Variants in RARB observed in about 807,000 individuals in gnomAD.
RARB encodes HBV-activated protein.
Under a neutral mutation model 51.9 loss-of-function variants are expected in RARB, and 17 were observed. That is an observed-to-expected ratio of 0.33 (90% confidence interval 0.22 to 0.49). The LOEUF is 0.49. Among genes scored for constraint, RARB ranks in the 20% least tolerant of loss-of-function variants. The pLI is 0.99. For synonymous variants in RARB, 215 were observed against 195.4 expected (o/e 1.10, Z -0.84); for missense variants, 369 against 550.8 (o/e 0.67, Z 3.30).
At chr3:25,456,760 A>G (rs931673753) in intron 1 of RARB, among the ~76,000 whole-genome samples, 3 of 150,174 alleles carry the variant, frequency 2.0e-5, no homozygotes, top group African/African-American at 4.9e-5. Flanking sequence ...AAATTTTTCC[A>G]AAGATGATTT....
chr3:24,973,343 A>C (rs747204020), intron 2 of RARB, among the ~76,000 whole-genome samples: 1 of 151,960 alleles, frequency 6.6e-6, no homozygotes, highest in Non-Finnish European at 1.5e-5. Context: ...CTTTTATCTC[A>C]ATACCATGCT....
chr3:25,120,527 ATCTCTC>A (rs138649959), intron 3 of RARB, among the ~76,000 whole-genome samples: 123 of 136,164 alleles, frequency 9.0e-4, no homozygotes, highest in East Asian at 1.7e-3. Flanking sequence ...ATATATAAAA[ATCTCTC>A]TCTCTCTCTC....
chr3:25,218,268 G>A (rs1055485673), intron 5 of RARB, among the ~76,000 whole-genome samples: 3 of 152,076 alleles, frequency 2.0e-5, no homozygotes, highest in African/African-American at 7.2e-5. Context: ...TTTCAGGAAT[G>A]TGAGAGTCGC....
intron 3 of RARB, among the ~76,000 whole-genome samples, chr3:25,504,788 T>G (rs768294709): frequency 0.067 from 8,730 of 130,076 alleles, 271 homozygotes; most frequent in African/African-American, 0.072. Flanking sequence ...TTTTTTTTTT[T>G]TTTGTGTCAC....
intron 5 of RARB, among the ~76,000 whole-genome samples, chr3:25,311,055 T>C (rs1704277524): frequency 6.6e-6 from 1 of 152,224 alleles, no homozygotes; most frequent in African/African-American, 2.4e-5. Flanking sequence ...TGATGCTGAA[T>C]TGTGGGTCAA....
At chr3:25,056,703 T>C (rs1233932239) in intron 2 of RARB, among the ~76,000 whole-genome samples, 1 of 152,168 alleles carries the variant, frequency 6.6e-6, no homozygotes, top group East Asian at 1.9e-4. Flanking sequence ...TACATACCTG[T>C]ATATATGATA....
At chr3:25,369,993 C>G (rs1706249693) in intron 5 of RARB, among the ~76,000 whole-genome samples, 3 of 152,112 alleles carry the variant, frequency 2.0e-5, no homozygotes, top group South Asian at 2.1e-4. Context: ...TGTTCATCTT[C>G]TAGTAGGAGA....
intron 2 of RARB, among the ~76,000 whole-genome samples, chr3:25,045,286 G>A (rs1200225863): frequency 6.6e-6 from 1 of 152,168 alleles, no homozygotes; most frequent in Non-Finnish European, 1.5e-5. Flanking sequence ...TGAGCTTTCT[G>A]GTTTCCCTCT....
intron 3 of RARB, among the ~76,000 whole-genome samples, chr3:25,117,722 A>T (rs773412612): frequency 6.6e-6 from 1 of 152,180 alleles, no homozygotes; most frequent in African/African-American, 2.4e-5. Context: ...TCAAGGAAGA[A>T]GGAAGAGCAG....
At chr3:25,251,088 G>A (rs1477346971) in intron 5 of RARB, among the ~76,000 whole-genome samples, 1 of 151,980 alleles carries the variant, frequency 6.6e-6, no homozygotes, top group East Asian at 1.9e-4. Context: ...GTTCTTTTTT[G>A]TGGAGGAGTG....
intron 3 of RARB, chr3:25,555,615 T>G (rs1043431606): frequency 1.3e-5 from 2 of 152,238 alleles, no homozygotes; most frequent in Non-Finnish European, 2.9e-5. Flanking sequence ...ATGATCACAT[T>G]AAGAATTGAC....
At chr3:25,312,215 ATTAC>A (rs961523444) in intron 5 of RARB, among the ~76,000 whole-genome samples, 2 of 152,152 alleles carry the variant, frequency 1.3e-5, no homozygotes, top group African/African-American at 4.8e-5. Flanking sequence ...ATTTTGGCTA[ATTAC>A]TTTTCTGAAA....
intron 5 of RARB, among the ~76,000 whole-genome samples, chr3:25,399,316 T>C (rs538657493): frequency 1.8e-4 from 28 of 152,322 alleles, no homozygotes; most frequent in African/African-American, 6.5e-4. Context: ...TTCTTCAGTG[T>C]AGCAATTTGC....
At chr3:25,039,006 T>TA (rs1362379082) in intron 2 of RARB, among the ~76,000 whole-genome samples, 1 of 152,194 alleles carries the variant, frequency 6.6e-6, no homozygotes, top group Non-Finnish European at 1.5e-5. Context: ...CTACTTTGCT[T>TA]AAACGGTTTA....
chr3:24,861,143 C>G (rs1702741401), intron 2 of RARB, among the ~76,000 whole-genome samples: 1 of 152,166 alleles, frequency 6.6e-6, no homozygotes, highest in Non-Finnish European at 1.5e-5. Context: ...AGTATCTGTA[C>G]TGAATGTATA....
intron 5 of RARB, among the ~76,000 whole-genome samples, chr3:25,197,788 A>T (rs2125368249): frequency 6.6e-6 from 1 of 152,158 alleles, no homozygotes; most frequent in East Asian, 1.9e-4. Context: ...AAGACACAAA[A>T]AAATGGAAAG....
chr3:24,868,131 C>T (rs548929486), intron 2 of RARB, among the ~76,000 whole-genome samples: 1 of 152,256 alleles, frequency 6.6e-6, no homozygotes, highest in South Asian at 2.1e-4. Flanking sequence ...AGCACTTACT[C>T]TTCAATCTTT....
intron 2 of RARB, among the ~76,000 whole-genome samples, chr3:24,974,410 C>T (rs184285423): frequency 2.0e-5 from 3 of 151,912 alleles, no homozygotes; most frequent in African/African-American, 7.3e-5. Flanking sequence ...AAAAGGAGCC[C>T]ACCTGGAGGA....
chr3:25,041,147 A>C (rs1698106497), intron 2 of RARB, among the ~76,000 whole-genome samples: 1 of 152,228 alleles, frequency 6.6e-6, no homozygotes, highest in Non-Finnish European at 1.5e-5. Context: ...TCCATATTTA[A>C]TAACAAAAGT....
Sources: gnomAD v4.1 joint callset for allele counts (sites outside exome capture counted in the v4.1 genomes callset) on GRCh38, gnomAD v4.1.1 for gene constraint, MANE v1.5 for transcripts, NCBI Gene and HGNC (gene_info 2026-07-23, HGNC 2026-07-21) for gene names.